PRKCA: variants seen among roughly 807,000 people sequenced by gnomAD.
PRKCA encodes protein kinase C alpha.
PRKCA carries 27 observed loss-of-function variants against 87.0 expected under a neutral mutation model. The observed-to-expected ratio is 0.31, with a 90% CI of 0.23 to 0.43. The LOEUF (loss-of-function observed/expected upper bound fraction) is 0.43. Among genes scored for constraint, PRKCA ranks in the 20% least tolerant of loss-of-function variants. The probability of loss-of-function intolerance (pLI) is 1.00; values close to 1 mark genes in which losing one functional copy is unlikely to be tolerated. For missense variants in PRKCA, 518 were observed against 852.3 expected (o/e 0.61, Z 4.88); for synonymous variants, 329 against 311.1 (o/e 1.06, Z -0.61).
At chr17:66,327,619 T>A (rs1035909007) in intron 2 of PRKCA, among the ~76,000 whole-genome samples, 1 of 152,226 alleles carries the variant, frequency 6.6e-6, no homozygotes, top group Non-Finnish European at 1.5e-5. Context: ...GTAAACTTCA[T>A]GTCCTGTGTC....
At chr17:66,441,381 A>C (rs1178462995) in intron 2 of PRKCA, among the ~76,000 whole-genome samples, 1 of 151,610 alleles carries the variant, frequency 6.6e-6, no homozygotes. Flanking sequence ...TTAAGCTCAC[A>C]GTTCTGGCCA....
At chr17:66,387,705 TC>T (rs1910138827) in intron 2 of PRKCA, among the ~76,000 whole-genome samples, 1 of 152,202 alleles carries the variant, frequency 6.6e-6, no homozygotes, top group African/African-American at 2.4e-5. Flanking sequence ...ACTGTGGGGC[TC>T]CAACTGAATT....
intron 3 of PRKCA, among the ~76,000 whole-genome samples, chr17:66,568,277 G>A (rs1477136635): frequency 2.6e-5 from 4 of 152,206 alleles, no homozygotes; most frequent in African/African-American, 9.6e-5. Flanking sequence ...TGGCACCACT[G>A]CACTCCAGCC....
chr17:66,368,384 ATATTTTTTTT>A (rs1230788175), intron 2 of PRKCA, among the ~76,000 whole-genome samples: 6 of 27,010 alleles, frequency 2.2e-4, no homozygotes, highest in African/African-American at 6.3e-4. Context: ...ATATATATAT[ATATTTTTTTT>A]TTTTTTTTTT....
intron 3 of PRKCA, among the ~76,000 whole-genome samples, chr17:66,626,466 A>C (rs1970859108): frequency 6.8e-6 from 1 of 147,986 alleles, no homozygotes; most frequent in South Asian, 2.1e-4. Context: ...GGTTCATGCC[A>C]TTCTCCTGCC....
intron 2 of PRKCA, among the ~76,000 whole-genome samples, chr17:66,377,909 A>G (rs1909562685): frequency 6.6e-6 from 1 of 151,434 alleles, no homozygotes; most frequent in Admixed American, 6.6e-5. Context: ...ATGAGCCCCT[A>G]TCCCTGGCCT....
chr17:66,325,346 T>C (rs1030423617), intron 2 of PRKCA, among the ~76,000 whole-genome samples: 1 of 152,216 alleles, frequency 6.6e-6, no homozygotes, highest in Non-Finnish European at 1.5e-5. Flanking sequence ...TTACATTCAA[T>C]TTATGGGAAC....
intron 16 of PRKCA, among the ~76,000 whole-genome samples, chr17:66,799,664 GTGGTGGTGGTGGTGGTAA>G (rs1283259600): frequency 3.6e-5 from 5 of 139,792 alleles, no homozygotes; most frequent in Admixed American, 7.2e-5. Flanking sequence ...AGTGACGGTG[GTGGTGGTGGTGGTGGTAA>G]TGGTGGTGGT....
At chr17:66,750,865 G>A (rs1974412331) in intron 13 of PRKCA, among the ~76,000 whole-genome samples, 1 of 152,192 alleles carries the variant, frequency 6.6e-6, no homozygotes, top group Admixed American at 6.5e-5. Context: ...ACACAGGACT[G>A]AGCAGCTTTT....
At chr17:66,681,698 G>A (rs1972499450) in intron 5 of PRKCA, among the ~76,000 whole-genome samples, 1 of 152,168 alleles carries the variant, frequency 6.6e-6, no homozygotes, top group African/African-American at 2.4e-5. Context: ...AAGTGGCAGG[G>A]CAGAGATTTG....
intron 3 of PRKCA, among the ~76,000 whole-genome samples, chr17:66,503,142 G>A (rs1173179408): frequency 4.6e-5 from 7 of 152,134 alleles, no homozygotes; most frequent in Admixed American, 4.6e-4. Flanking sequence ...AGAGGGATTT[G>A]TTAAAAGGCT....
intron 5 of PRKCA, among the ~76,000 whole-genome samples, chr17:66,646,814 G>C (rs1003477517): frequency 2.0e-5 from 3 of 152,296 alleles, no homozygotes; most frequent in African/African-American, 7.2e-5. Context: ...CACTGGGAGA[G>C]GGTAACAGTT....
intron 3 of PRKCA, among the ~76,000 whole-genome samples, chr17:66,616,541 G>C (rs1970521001): frequency 6.6e-6 from 1 of 152,210 alleles, no homozygotes; most frequent in Non-Finnish European, 1.5e-5. Context: ...GGGGCACACA[G>C]AGTGAGTAAG....
At chr17:66,624,857 G>A (rs1346230745) in intron 3 of PRKCA, among the ~76,000 whole-genome samples, 1 of 151,756 alleles carries the variant, frequency 6.6e-6, no homozygotes, top group Non-Finnish European at 1.5e-5. Flanking sequence ...TGCATCATTA[G>A]AAAAAAATTA....
At chr17:66,466,994 A>T (rs1915114565) in intron 2 of PRKCA, among the ~76,000 whole-genome samples, 1 of 152,232 alleles carries the variant, frequency 6.6e-6, no homozygotes, top group African/African-American at 2.4e-5. Context: ...AAGCAAAATG[A>T]TGCTCATATT....
chr17:66,324,653 A>T (rs1399289886), intron 2 of PRKCA, among the ~76,000 whole-genome samples: 3 of 152,118 alleles, frequency 2.0e-5, no homozygotes, highest in African/African-American at 7.2e-5. Flanking sequence ...ATATAAAAAA[A>T]ATTTGAGAGA....
At chr17:66,737,573 T>C (rs537528198) in intron 10 of PRKCA, among the ~76,000 whole-genome samples, 2 of 152,356 alleles carry the variant, frequency 1.3e-5, no homozygotes, top group South Asian at 2.1e-4. Context: ...GGGAGGAACC[T>C]CTCAGTGCTT....
At chr17:66,655,100 A>G (rs1040889360) in intron 5 of PRKCA, among the ~76,000 whole-genome samples, 14 of 152,240 alleles carry the variant, frequency 9.2e-5, no homozygotes, top group African/African-American at 3.1e-4. Context: ...GGCACAAGAA[A>G]ACAGGAAAGT....
At chr17:66,727,940 G>A (rs927992146) in intron 8 of PRKCA, among the ~76,000 whole-genome samples, 13 of 152,080 alleles carry the variant, frequency 8.5e-5, no homozygotes, top group Admixed American at 2.6e-4. Flanking sequence ...GTAGCTGCTC[G>A]GATATCCACT....
Sources: allele counts gnomAD v4.1 joint callset (sites outside exome capture counted in the v4.1 genomes callset), GRCh38; gene constraint gnomAD v4.1.1; transcripts MANE v1.5; gene names NCBI Gene and HGNC (gene_info 2026-07-23, HGNC 2026-07-21).